The following LRRK1 variants were observed in gnomAD, a reference collection of about 807,000 sequenced individuals.
LRRK1 encodes leucine-rich repeat serine/threonine-protein kinase 1.
In LRRK1, 113 loss-of-function variants were observed where a neutral mutation model predicts 209.1. The observed-to-expected ratio is 0.54, with a 90% CI of 0.46 to 0.63. The LOEUF (loss-of-function observed/expected upper bound fraction) is 0.63. Among genes scored for constraint, LRRK1 ranks in the 30% least tolerant of loss-of-function variants. The pLI is 0.00. For missense variants in LRRK1, 2,284 were observed against 2,632.2 expected (o/e 0.87, Z 2.89); for synonymous variants, 1,144 against 1,099.7 (o/e 1.04, Z -0.80).
intron 29 of LRRK1, 117 bp from the exon 30 acceptor site, chr15:101,061,054 C>G (rs1399552123): frequency 1.3e-6 from 1 of 768,318 alleles, no homozygotes. Context: ...ACACAGGATG[C>G]AACCCTGGGT....
In LRRK1 at chr15:101,027,343, G is replaced by A. The variant is rs200452644; in HGVS notation, c.2488G>A (p.Gly830Ser). The change falls in exon 18 of 34, where the codon GGC becomes AGC. Residue 830 changes from glycine to serine, a missense_variant. Coordinates refer to ENST00000388948, the MANE Select transcript of LRRK1 (RefSeq NM_024652.6). This position sits in a 1 kb window ranked among gnomAD's most constrained non-coding sequence, Gnocchi z 5.1. ...CGTCACGTGCAGCATGAAGGACGTGGGCAGCACCATCGGCTGCCAGCGACT... is the reference window on the plus strand; with the variant it reads ...CGTCACGTGCAGCATGAAGGACGTGAGCAGCACCATCGGCTGCCAGCGACT... ...FHVTCSMKDV[G>S]STIGCQRLAG... is the part of the protein sequence containing the mutation. The A allele has an allele frequency of 2.2e-5, 35 of 1,614,042 alleles. No homozygotes were observed. In the African/African-American group the frequency reaches 4.4e-4, roughly 20 times the overall value.
chr15:101,074,828 G>A lies in LRRK1; in HGVS notation c.*5980G>A, dbSNP rs994162530. Reference sequence around the variant, plus strand: ...GCTTGCTACAAGTGCCAGAAATCTGGCCACCAGGCCAAGGAATGCCTGCAG... The same window carrying A: ...GCTTGCTACAAGTGCCAGAAATCTGACCACCAGGCCAAGGAATGCCTGCAG... On this transcript the variant is annotated 3_prime_UTR_variant, in exon 34 of 34. Transcript: ENST00000388948. The A allele has an allele frequency of 1.3e-5, 2 of 151,946 alleles. No homozygotes were observed. The highest frequency in any genetic ancestry group is 4.8e-5 in the African/African-American group (2 of 41,360). 9.4% of individuals were successfully genotyped at this position (151,946 alleles called of 1,614,324 possible).
At position 100,988,783 on chromosome 15, in the gene LRRK1, C is replaced by A. The variant is rs201889926; in HGVS notation, c.583C>A (p.Arg195Ser). 6 of 1,609,518 alleles carry A rather than the reference C, an allele frequency of 3.7e-6. No homozygotes were observed. The highest frequency in any genetic ancestry group is 5.1e-6 in the Non-Finnish European group (6 of 1,176,386). ...VRKNEFPVIV[R>S]LPLYAAIKSG... The stretch of plus-strand genomic sequence containing the variant: ...GAAGAATGAGTTCCCTGTCATCGTG[C>A]GCTTGCCCCTGTATGCGGCCATCAA... Residue 195 changes from arginine to serine, a missense_variant, in exon 5 of 34, where the codon CGC (arginine) becomes AGC (serine). Around this residue, in one of 6 missense-constraint regions of LRRK1, gnomAD observed 134 missense variants for 191.7 expected, o/e 0.70. Coordinates refer to ENST00000388948, the MANE Select transcript of LRRK1 (RefSeq NM_024652.6).
intron 28 of LRRK1, among the ~76,000 whole-genome samples, chr15:101,057,326 C>T (rs1451021316): frequency 2.0e-5 from 3 of 152,190 alleles, no homozygotes; most frequent in Admixed American, 6.5e-5. Flanking sequence ...TATAACAATA[C>T]AGTCCCTATG....
rs188920210 is a variant in LRRK1 at position 100,947,000 on chromosome 15, C to A, written c.97+22271C>A. On this transcript the variant is annotated intron_variant, in intron 2 of 33. Coordinates refer to ENST00000388948, the MANE Select transcript of LRRK1 (RefSeq NM_024652.6). ...TTTTCTTTTTTTTTGAGACGGAGTCCTGCTCTGTCACCAGGCTGGAGTGCA... is the reference window on the plus strand; with the variant it reads ...TTTTCTTTTTTTTTGAGACGGAGTCATGCTCTGTCACCAGGCTGGAGTGCA... 2.0e-3 allele frequency among the ~76,000 whole-genome samples: 308 copies of A among 152,026 alleles called. 2 individuals carry two copies. The highest frequency in any genetic ancestry group is 7.1e-3 in the African/African-American group (293 of 41,444).
chr15:101,007,128 G>C (rs2032995694), intron 6 of LRRK1, among the ~76,000 whole-genome samples: 1 of 152,220 alleles, frequency 6.6e-6, no homozygotes, highest in African/African-American at 2.4e-5. Context: ...AGGAGCTAAA[G>C]ACAGGCGCTC....
Position 101,062,588 on chromosome 15 carries a change from C to G in LRRK1, c.4812C>G (p.Tyr1604Ter). ...LWTATEDQKIYIYTLKGMCPL... is the reference protein window; with the variant it reads ...LWTATEDQKI ...TGCCTCTGCAGGACCAGAAAATCTA[C>G]ATCTACACCCTCAAGGGCATGTGCC... Residue 1604 changes from tyrosine (Y) to a stop codon, truncating the protein, a stop_gained, in exon 31 of 34, where the codon TAC becomes TAG. Coordinates refer to ENST00000388948, the MANE Select transcript of LRRK1 (RefSeq NM_024652.6). LOFTEE classifies it high-confidence loss of function. 1 of 1,613,294 alleles carries G rather than the reference C, an allele frequency of 6.2e-7. No individual in the cohort carries two copies.
At chr15:101,057,337 C>T (rs1010039894) in intron 28 of LRRK1, among the ~76,000 whole-genome samples, 1 of 152,180 alleles carries the variant, frequency 6.6e-6, no homozygotes, top group African/African-American at 2.4e-5. Flanking sequence ...AGTCCCTATG[C>T]AAGAACAGAG....
chr15:101,046,513 C>T (rs973141577), intron 21 of LRRK1, among the ~76,000 whole-genome samples: 17 of 152,208 alleles, frequency 1.1e-4, no homozygotes, highest in African/African-American at 3.9e-4. Flanking sequence ...CATTTCTATC[C>T]ATTCCCCGAG....
rs1192889162 is a variant in LRRK1, at chr15:101,068,888, C to A, written c.*40C>A. On this transcript the variant is annotated 3_prime_UTR_variant, in exon 34 of 34. Coordinates refer to ENST00000388948, the MANE Select transcript of LRRK1 (RefSeq NM_024652.6). ...CTGTCACACATCAGAGCTGGCTGGCCCGGGGCTGCAGCCTGACCCCTCTGC... is the reference window on the plus strand; with the variant it reads ...CTGTCACACATCAGAGCTGGCTGGCACGGGGCTGCAGCCTGACCCCTCTGC... 6.5e-7 allele frequency: 1 copy of A among 1,538,424 alleles called. No individual in the cohort carries two copies.
intron 2 of LRRK1, among the ~76,000 whole-genome samples, chr15:100,967,470 C>T (rs570269781): frequency 6.6e-6 from 1 of 152,102 alleles, no homozygotes; most frequent in East Asian, 1.9e-4. Flanking sequence ...TTGTAAAGAC[C>T]CTGGATTGGT....
rs117808488 is a variant in LRRK1 at position 101,033,166 on chromosome 15, G to A, written c.2963+3934G>A. Among the ~76,000 whole-genome samples, 186 of 152,160 alleles carry A rather than the reference G, an allele frequency of 1.2e-3. 1 individual carries two copies. The East Asian group carries it at 0.031, about 26-fold the overall frequency. On this transcript the variant is annotated intron_variant, in intron 20 of 33. Coordinates refer to ENST00000388948, the MANE Select transcript of LRRK1 (RefSeq NM_024652.6). The stretch of plus-strand genomic sequence containing the variant: ...CTTTTATCAATACATAATATTTTAC[G>A]TATTTATGGGGTACAGGTGAGTAGT...
intron 2 of LRRK1, among the ~76,000 whole-genome samples, chr15:100,964,784 A>G (rs532272594): frequency 1.2e-4 from 12 of 103,988 alleles, no homozygotes; most frequent in African/African-American, 4.3e-4. Context: ...AGAGAAATAC[A>G]CACACACACA....
At chr15:101,064,961 C>T (rs529362622) in intron 31 of LRRK1, 19 of 248,618 alleles carry the variant, frequency 7.6e-5, no homozygotes, top group African/African-American at 3.4e-4. Flanking sequence ...GAGAAAAGGG[C>T]GGGGGCACCA....
In LRRK1 at chr15:101,050,256, C is replaced by A. The variant is rs186633950; in HGVS notation, c.3439+473C>A. 4.8e-3 allele frequency among the ~76,000 whole-genome samples: 734 copies of A among 152,316 alleles called. 5 individuals are homozygous for A. Among genetic ancestry groups the A allele is most frequent in the African/African-American group, 0.017 (705 of 41,582 alleles). On this transcript the variant is annotated intron_variant, in intron 23 of 33. Transcript: ENST00000388948. ...TCCCCTGCCACCCCACCCATCCCGG[C>A]GGTGATCAAACCACTAACACCGCCC...
rs1596374173 is a variant in LRRK1, at chr15:101,073,684, C to T, written c.*4836C>T. The T allele has an allele frequency of 1.3e-5, 2 of 152,090 alleles. No homozygotes were observed. The highest frequency in any genetic ancestry group is 1.9e-4 in the East Asian group (1 of 5,164). 9.4% of individuals were successfully genotyped at this position (152,090 alleles called of 1,614,324 possible). On this transcript the variant is annotated 3_prime_UTR_variant, in exon 34 of 34. Transcript: ENST00000388948. ...ATCCCTTATTTCCACATCCCGACCT[C>T]GTATCTCTGCACCCCGACCCCTTTC...
chr15:101,029,114 A>G lies in LRRK1; in HGVS notation c.2845A>G (p.Ile949Val). The G allele has an allele frequency of 6.2e-7, 1 of 1,614,156 alleles. No homozygotes were observed. Among genetic ancestry groups the G allele is most frequent in the East Asian group, 2.2e-5 (1 of 44,882 alleles). The stretch of plus-strand genomic sequence containing the variant: ...TCGGTCAGTGGCCAAGAATGGGGTG[A>G]TCAGAGCAGAAGACCTCAGGATGCT... Reference protein sequence around the residue: ...GSRSVAKNGVIRAEDLRMLLV... With the variant: ...GSRSVAKNGVVRAEDLRMLLV... Residue 949 changes from isoleucine to valine, a missense_variant, in exon 20 of 34, where the codon ATC becomes GTC. Ile to Val is a conservative substitution (Grantham distance 29). This residue lies in a region of LRRK1 where 780 missense variants were observed against 985.2 expected (regional missense o/e 0.79). Coordinates refer to ENST00000388948, the MANE Select transcript of LRRK1 (RefSeq NM_024652.6).
intron 22 of LRRK1, 166 bp from the exon 23 acceptor site, chr15:101,049,478 G>A: frequency 1.5e-6 from 1 of 688,238 alleles, no homozygotes; most frequent in Non-Finnish European, 2.3e-6. Context: ...GAACAAGGCA[G>A]GGCCACGCAC....
intron 20 of LRRK1, among the ~76,000 whole-genome samples, chr15:101,042,051 C>G (rs1037011847): frequency 3.0e-4 from 46 of 152,054 alleles, no homozygotes; most frequent in Admixed American, 2.2e-3. Flanking sequence ...AGTGTTATTA[C>G]TTTTGCTTTG....
Sources: allele counts gnomAD v4.1 joint callset (sites outside exome capture counted in the v4.1 genomes callset), GRCh38; gene constraint gnomAD v4.1.1; regional missense constraint gnomAD v4.1.1; non-coding constraint Gnocchi (gnomAD v3.1); transcripts MANE v1.5; gene names NCBI Gene and HGNC (gene_info 2026-07-23, HGNC 2026-07-21).